Variants in FAM83A observed in about 807,000 individuals in gnomAD.
FAM83A encodes the protein protein FAM83A.
In FAM83A, 21 loss-of-function variants were observed where a neutral mutation model predicts 24.4. The observed-to-expected ratio is 0.86, with a 90% CI of 0.61 to 1.24. The LOEUF is 1.24. Among genes scored for constraint, FAM83A ranks in the 50% most tolerant of loss-of-function variants. The pLI is 0.00. For synonymous variants in FAM83A, 270 were observed against 252.4 expected (o/e 1.07, Z -0.66); for missense variants, 617 against 579.8 (o/e 1.06, Z -0.66).
Position 123,207,758 on chromosome 8 carries a change from AACG to A in FAM83A, c.*75_*77del, listed in dbSNP as rs1284624048. 7.8e-6 allele frequency: 11 copies of A among 1,410,222 alleles called. No homozygotes were observed. The East Asian group carries it at 2.7e-4, about 34-fold the overall frequency. The allele number at this position is 1,410,222 out of a possible 1,614,324, so 87.4% of individuals were successfully genotyped here. ...TCCCTGAGACCCAAAGACCCACCTC[AACG>A]ACGAGTGGCGTTGAGCCACTTCCCT... On this transcript the variant is annotated 3_prime_UTR_variant, in exon 4 of 4. Transcript: ENST00000690554.
At chr8:123,190,908 G>A (rs559142902) in intron 1 of FAM83A, among the ~76,000 whole-genome samples, 5 of 152,276 alleles carry the variant, frequency 3.3e-5, no homozygotes, top group Non-Finnish European at 7.4e-5. Context: ...CTCGTAGAAA[G>A]AACACCTCCT....
At chr8:123,197,430 G>T (rs938891051) in intron 3 of FAM83A, among the ~76,000 whole-genome samples, 1 of 152,188 alleles carries the variant, frequency 6.6e-6, no homozygotes, top group African/African-American at 2.4e-5. Flanking sequence ...GTGGCATTTT[G>T]TGGCTGGCTT....
At chr8:123,203,182 C>G (rs1396868137) in intron 3 of FAM83A, among the ~76,000 whole-genome samples, 1 of 151,478 alleles carries the variant, frequency 6.6e-6, no homozygotes, top group Non-Finnish European at 1.5e-5. Context: ...TAAACTAAAA[C>G]TCTCAGTAGA....
At chr8:123,206,264 C>A (rs922142947) in intron 3 of FAM83A, among the ~76,000 whole-genome samples, 10 of 152,168 alleles carry the variant, frequency 6.6e-5, no homozygotes, top group African/African-American at 2.4e-4. Flanking sequence ...CCACCCCTCG[C>A]CCCGACAGCC....
At chr8:123,207,164 T>G (rs1824580229) in exon 4 of FAM83A, 1 of 1,332,426 alleles carries the variant, frequency 7.5e-7, no homozygotes, top group Admixed American at 2.0e-5. Context: ...CAGCTTCACC[T>G]GGCTCTGCGG....
At position 123,186,675 on chromosome 8, in the gene FAM83A, C is replaced by A. The variant is rs1426327459; in HGVS notation, c.480+3339C>A. Among the ~76,000 whole-genome samples, 5 of 152,194 alleles carry A rather than the reference C, an allele frequency of 3.3e-5. 1 individual carries two copies. Among genetic ancestry groups the A allele is most frequent in the African/African-American group, 1.2e-4 (5 of 41,532 alleles). On this transcript the variant is annotated intron_variant, in intron 1 of 3. Transcript: ENST00000690554. ...TGAAACCCCGTCCCTACTAAAAATACAAAAATTAGCTCGGTGTGGTGGCAG... is the reference window on the plus strand; with the variant it reads ...TGAAACCCCGTCCCTACTAAAAATAAAAAAATTAGCTCGGTGTGGTGGCAG...
intron 3 of FAM83A, chr8:123,199,862 G>C (rs528398600): frequency 6.5e-6 from 1 of 154,212 alleles, no homozygotes; most frequent in Non-Finnish European, 1.5e-5. Context: ...GGGTTTGTTA[G>C]AGGGAAAGTG....
chr8:123,192,030 G>A (rs1586779921), intron 2 of FAM83A, 60 bp downstream of exon 2: 1 of 1,555,054 alleles, frequency 6.4e-7, no homozygotes, highest in Non-Finnish European at 8.8e-7. Context: ...GATAGTCTAT[G>A]CAATAGTAAC....
chr8:123,188,155 A>G (rs984607108), intron 1 of FAM83A, among the ~76,000 whole-genome samples: 5 of 152,098 alleles, frequency 3.3e-5, no homozygotes, highest in East Asian at 1.9e-4. Context: ...GATTACAGGC[A>G]TGAGCCACTG....
intron 3 of FAM83A, chr8:123,200,015 C>T (rs1230325662): frequency 6.5e-6 from 1 of 153,988 alleles, no homozygotes; most frequent in Non-Finnish European, 1.5e-5. Flanking sequence ...TCATCTCTCC[C>T]TGTCTTATGG....
At chr8:123,183,618 A>G (rs562556099) in intron 1 of FAM83A, among the ~76,000 whole-genome samples, 1 of 147,370 alleles carries the variant, frequency 6.8e-6, no homozygotes, top group Admixed American at 6.7e-5. Context: ...CAGTCTCCAT[A>G]CTGCAGTAAA....
chr8:123,203,978 C>CA (rs113729464), intron 3 of FAM83A, among the ~76,000 whole-genome samples: 150 of 142,444 alleles, frequency 1.1e-3, no homozygotes, highest in African/African-American at 3.5e-3. Context: ...AAAAAAAGGA[C>CA]AAAAAAAAAT....
chr8:123,194,150 T>G lies in FAM83A; in HGVS notation c.773+2T>G, dbSNP rs749508393. The stretch of plus-strand genomic sequence containing the variant: ...ATTTGTCCTGTCTGGATCTTACAGG[T>G]GAGCCTTGGATTCATCTCCTGTCAA... On this transcript the variant is annotated splice_donor_variant, in intron 3 of 3. Coordinates refer to ENST00000690554, the Ensembl canonical transcript of FAM83A. LOFTEE classifies it high-confidence loss of function. The G allele has an allele frequency of 1.9e-6, 3 of 1,613,886 alleles. No homozygotes were observed. The highest frequency in any genetic ancestry group is 2.5e-6 in the Non-Finnish European group (3 of 1,179,986).
intron 2 of FAM83A, 94 bp downstream of exon 2, chr8:123,192,064 T>C: frequency 7.3e-7 from 1 of 1,379,034 alleles, no homozygotes; most frequent in East Asian, 2.3e-5. Flanking sequence ...CTTGTGTTAA[T>C]AGCTTAACAC....
At chr8:123,200,403 T>C (rs1200741874) in intron 3 of FAM83A, among the ~76,000 whole-genome samples, 2 of 152,190 alleles carry the variant, frequency 1.3e-5, no homozygotes, top group African/African-American at 4.8e-5. Flanking sequence ...TCATCTTTAA[T>C]TTGCACTTGC....
At chr8:123,196,945 G>A (rs6997816) in intron 3 of FAM83A, among the ~76,000 whole-genome samples, 39,745 of 152,108 alleles carry the variant, frequency 0.26, 5,541 homozygotes, top group African/African-American at 0.36. Flanking sequence ...CTCATGGATT[G>A]TATAAGTTAA....
At chr8:123,190,959 T>C (rs1563782519) in intron 1 of FAM83A, among the ~76,000 whole-genome samples, 3 of 152,158 alleles carry the variant, frequency 2.0e-5, no homozygotes. Context: ...CTGACTCTTA[T>C]TAGAATAACT....
intron 1 of FAM83A, among the ~76,000 whole-genome samples, chr8:123,184,059 G>A (rs1323165117): frequency 1.3e-5 from 2 of 152,122 alleles, no homozygotes; most frequent in Non-Finnish European, 2.9e-5. Flanking sequence ...GTAGCTCCCA[G>A]TTGCCCATAA....
upstream of FAM83A, among the ~76,000 whole-genome samples, chr8:123,181,136 AG>A (rs533523729): frequency 1.3e-3 from 192 of 152,170 alleles, no homozygotes; most frequent in Non-Finnish European, 2.4e-3. Flanking sequence ...TAGTAGCGAC[AG>A]TGTTTCATCA....
Sources: gnomAD v4.1 joint callset for allele counts (sites outside exome capture counted in the v4.1 genomes callset) on GRCh38, gnomAD v4.1.1 for gene constraint, MANE v1.5 for transcripts, NCBI Gene and HGNC (gene_info 2026-07-23, HGNC 2026-07-21) for gene names.